CPNE4: variants seen among roughly 807,000 people sequenced by gnomAD.
CPNE4 encodes the protein copine-4.
In CPNE4, 25 loss-of-function variants were observed where a neutral mutation model predicts 67.9. The ratio of observed to expected loss-of-function variants is 0.37; its 90% CI spans 0.27 to 0.51. The LOEUF (loss-of-function observed/expected upper bound fraction) is 0.51, where lower values mean the gene tolerates loss of function less well. Ranked by LOEUF, CPNE4 falls within the 20% of genes least tolerant of loss-of-function variation. The pLI is 0.93. For missense variants in CPNE4, 464 were observed against 690.8 expected (o/e 0.67, Z 3.68); for synonymous variants, 242 against 244.9 (o/e 0.99, Z 0.11).
intron 10 of CPNE4, among the ~76,000 whole-genome samples, chr3:131,565,703 C>T (rs1315064677): frequency 1.3e-5 from 2 of 151,484 alleles, no homozygotes; most frequent in African/African-American, 2.4e-5. Flanking sequence ...TTCTTCCTTG[C>T]CTCTCCAAAG....
intron 2 of CPNE4, among the ~76,000 whole-genome samples, chr3:131,752,528 CT>C (rs764400866): frequency 7.2e-5 from 11 of 152,106 alleles, no homozygotes; most frequent in Non-Finnish European, 1.3e-4. Context: ...ATGTCATTTT[CT>C]TTGGGTCTCA....
At chr3:131,553,643 T>C (rs115863642) in intron 12 of CPNE4, among the ~76,000 whole-genome samples, 37 of 152,248 alleles carry the variant, frequency 2.4e-4, no homozygotes, top group African/African-American at 8.9e-4. Context: ...GACTTCCACT[T>C]CCCAACCTCT....
In CPNE4 at chr3:131,905,341, T is replaced by G. The variant is rs1457179211; in HGVS notation, c.103A>C (p.Ile35Leu). ...KVELRVACKG[I>L]SDRDALSKPD... is the part of the protein sequence containing the mutation. ...TTGGAAAGGGCATCTCTGTCAGAAA[T>G]GCCTTTGCACGCCACACGCAGCTCA... The change falls in exon 2 of 16, where the codon ATT becomes CTT. Residue 35 changes from isoleucine to leucine, a missense_variant. Ile to Leu is a conservative substitution (Grantham distance 5). Transcript: ENST00000429747. The G allele has an allele frequency of 1.9e-6, 3 of 1,613,626 alleles. No homozygotes were observed. Among genetic ancestry groups the G allele is most frequent in the Non-Finnish European group, 2.5e-6 (3 of 1,179,718 alleles).
intron 2 of CPNE4, among the ~76,000 whole-genome samples, chr3:131,876,332 T>C (rs371862384): frequency 1.3e-5 from 2 of 151,638 alleles, no homozygotes; most frequent in Admixed American, 1.3e-4. Context: ...TGTGAGAATG[T>C]TTTATTATTA....
chr3:131,819,716 T>C (rs2084891213), intron 2 of CPNE4, among the ~76,000 whole-genome samples: 1 of 152,158 alleles, frequency 6.6e-6, no homozygotes, highest in Non-Finnish European at 1.5e-5. Context: ...ATTGAAATTT[T>C]TGAAAATGTG....
chr3:131,864,539 A>T (rs201291477), intron 2 of CPNE4, among the ~76,000 whole-genome samples: 10,666 of 150,004 alleles, frequency 0.071, 510 homozygotes, highest in East Asian at 0.16. Flanking sequence ...ATGCTTGTGA[A>T]TTTTGCACAT....
At position 131,743,856 on chromosome 3, in the gene CPNE4, G is replaced by A. The variant is rs548101355; in HGVS notation, c.181-20231C>T. Among the ~76,000 whole-genome samples the A allele has an allele frequency of 1.1e-3, 163 of 149,932 alleles. 1 individual carries two copies. The highest frequency in any genetic ancestry group is 9.3e-3 in the East Asian group (47 of 5,072). ...CGGGCGCCTGTAGTCCCAGCTACTC[G>A]GGAGGCTGAGGCAGGAGAATGGCGT... On this transcript the variant is annotated intron_variant, in intron 2 of 15. Coordinates refer to ENST00000429747, the MANE Select transcript of CPNE4 (RefSeq NM_130808.3).
At chr3:131,835,884 C>G (rs908108846) in intron 2 of CPNE4, among the ~76,000 whole-genome samples, 1 of 152,140 alleles carries the variant, frequency 6.6e-6, no homozygotes, top group African/African-American at 2.4e-5. Context: ...CCTCACTAAG[C>G]AAAGGTAAGC....
intron 7 of CPNE4, among the ~76,000 whole-genome samples, chr3:131,629,498 C>T (rs116607061): frequency 0.024 from 3,679 of 151,950 alleles, 137 homozygotes; most frequent in African/African-American, 0.081. Context: ...GGTTGGAGTG[C>T]GGTGGGTGTG....
chr3:131,671,511 A>G (rs1168118651), intron 6 of CPNE4, among the ~76,000 whole-genome samples: 1 of 151,538 alleles, frequency 6.6e-6, no homozygotes, highest in Non-Finnish European at 1.5e-5. Context: ...CCCACAAGTG[A>G]GCAGTTTTGC....
chr3:131,710,958 A>G (rs2107722255), intron 3 of CPNE4, among the ~76,000 whole-genome samples: 1 of 152,314 alleles, frequency 6.6e-6, no homozygotes, highest in Middle Eastern at 3.4e-3. Flanking sequence ...AGTGATGATA[A>G]TAATGATGAT....
At chr3:131,709,204 G>T (rs2081499030) in intron 3 of CPNE4, among the ~76,000 whole-genome samples, 1 of 151,554 alleles carries the variant, frequency 6.6e-6, no homozygotes, top group Non-Finnish European at 1.5e-5. Flanking sequence ...TTTGCAATGA[G>T]CCTATATTAT....
Position 131,759,642 on chromosome 3 carries a change from AACTGCAATCAAGT to A in CPNE4, c.181-36030_181-36018del, listed in dbSNP as rs529258652. ...GTGTAGTGGGGGGTGAAAATTATGG[AACTGCAATCAAGT>A]ACTGATGTTGTACTTACCAGGCTTT... On this transcript the variant is annotated intron_variant, in intron 2 of 15. Coordinates refer to ENST00000429747, the MANE Select transcript of CPNE4 (RefSeq NM_130808.3). 3.4e-4 allele frequency among the ~76,000 whole-genome samples: 52 copies of A among 152,294 alleles called. 1 individual carries two copies. Among genetic ancestry groups the A allele is most frequent in the African/African-American group, 1.1e-3 (46 of 41,568 alleles).
Position 131,694,665 on chromosome 3 carries a change from T to C in CPNE4, c.507+1877A>G, listed in dbSNP as rs548655050. Among the ~76,000 whole-genome samples, 3 of 152,216 alleles carry C rather than the reference T, an allele frequency of 2.0e-5. No homozygotes were observed. The South Asian group carries it at 6.2e-4, about 32-fold the overall frequency. On this transcript the variant is annotated intron_variant, in intron 5 of 15. Coordinates refer to ENST00000429747, the MANE Select transcript of CPNE4 (RefSeq NM_130808.3). ...GCTTTCTCTGGGAGAAGCCAGATAC[T>C]CTAAAGGAAGTGTGACTACCCCAGG...
At chr3:131,773,044 GCA>G (rs1460821755) in intron 2 of CPNE4, among the ~76,000 whole-genome samples, 2 of 152,106 alleles carry the variant, frequency 1.3e-5, no homozygotes, top group African/African-American at 2.4e-5. Context: ...AATTAGTTAA[GCA>G]CTTTACTGGG....
chr3:131,688,007 C>G (rs900844724), intron 5 of CPNE4, among the ~76,000 whole-genome samples: 8 of 152,138 alleles, frequency 5.3e-5, no homozygotes, highest in African/African-American at 1.7e-4. Flanking sequence ...GCAAAGTTGG[C>G]CCCATGATGT....
chr3:131,943,306 C>T (rs1266197669), intron 1 of CPNE4, among the ~76,000 whole-genome samples: 2 of 152,068 alleles, frequency 1.3e-5, no homozygotes, highest in Admixed American at 6.6e-5. Flanking sequence ...TCAAGCTTTA[C>T]TGCAAATGGG....
At position 131,620,975 on chromosome 3, in the gene CPNE4, A is replaced by G. The variant is rs193123729; in HGVS notation, c.682-33393T>C. On this transcript the variant is annotated intron_variant, in intron 7 of 15. Transcript: ENST00000429747. The stretch of plus-strand genomic sequence containing the variant: ...TTGTTACAGTAGCAATAGGAAACTC[A>G]TAACACCATCATCAAGTGGTTTTTG... Among the ~76,000 whole-genome samples, 15 of 151,948 alleles carry G rather than the reference A, an allele frequency of 9.9e-5. No individual in the cohort carries two copies. In the East Asian group the frequency reaches 2.9e-3, roughly 29 times the overall value.
chr3:131,958,970 CTTTTTTTTTT>C lies in CPNE4; in HGVS notation c.-1-53536_-1-53527del, dbSNP rs869035381. Among the ~76,000 whole-genome samples the C allele has an allele frequency of 6.2e-4, 12 of 19,266 alleles. 2 individuals are homozygous for C. Among genetic ancestry groups the C allele is most frequent in the Admixed American group, 1.1e-3 (1 of 928 alleles). 12.6% of individuals were successfully genotyped at this position (19,266 alleles called of 152,430 possible). On this transcript the variant is annotated intron_variant, in intron 1 of 15. Coordinates refer to ENST00000429747, the MANE Select transcript of CPNE4 (RefSeq NM_130808.3). ...ACGGCTCCCGGCCTGATACACCTTT[CTTTTTTTTTT>C]TTTTTTTTTTTTTTTTTTTTTTTTT... is the stretch of plus-strand genomic sequence containing the variant.
Sources: allele counts gnomAD v4.1 joint callset (sites outside exome capture counted in the v4.1 genomes callset), GRCh38; gene constraint gnomAD v4.1.1; transcripts MANE v1.5; gene names NCBI Gene and HGNC (gene_info 2026-07-23, HGNC 2026-07-21).